The following NRIP1 variants were observed in gnomAD, a reference collection of about 807,000 sequenced individuals.
NRIP1 encodes the protein nuclear receptor-interacting protein 1.
NRIP1 carries 28 observed loss-of-function variants against 75.0 expected under a neutral mutation model. The observed-to-expected ratio is 0.37, with a 90% CI of 0.28 to 0.51. The LOEUF (loss-of-function observed/expected upper bound fraction) is 0.51, where lower values mean the gene tolerates loss of function less well. Among genes scored for constraint, NRIP1 ranks in the 20% least tolerant of loss-of-function variants. The probability of loss-of-function intolerance (pLI) is 0.92; values close to 1 mark genes in which losing one functional copy is unlikely to be tolerated. For synonymous variants in NRIP1, 526 were observed against 487.6 expected (o/e 1.08, Z -1.04); for missense variants, 1,435 against 1,343.7 (o/e 1.07, Z -1.06).
Position 14,964,505 on chromosome 21 carries a change from C to A in NRIP1, c.*211G>T. 4.6e-6 allele frequency: 2 copies of A among 434,676 alleles called. No individual in the cohort carries two copies. The highest frequency in any genetic ancestry group is 5.8e-5 in the South Asian group (1 of 17,152). 26.9% of individuals were successfully genotyped at this position (434,676 alleles called of 1,614,324 possible). ...TGATGCATACAGAAGTGTTAAACAA[C>A]CAATTGCTAGTTCAGTAGTTTCCTC... On this transcript the variant is annotated 3_prime_UTR_variant, in exon 4 of 4. Coordinates refer to ENST00000318948, the MANE Select transcript of NRIP1 (RefSeq NM_003489.4).
chr21:15,050,946 A>AGCTACTATT, intron 1 of NRIP1: 1 of 455,542 alleles, frequency 2.2e-6, no homozygotes, highest in Middle Eastern at 3.4e-4. Context: ...ACTTATTCAA[A>AGCTACTATT]GCTACTATTA....
chr21:15,002,372 C>A (rs1200246530), intron 3 of NRIP1: 1 of 152,198 alleles, frequency 6.6e-6, no homozygotes, highest in Non-Finnish European at 1.5e-5. Context: ...ACCACAACTA[C>A]TAATCAAGTA....
intron 3 of NRIP1, among the ~76,000 whole-genome samples, chr21:15,010,430 C>T (rs73172388): frequency 0.027 from 4,090 of 149,778 alleles, 139 homozygotes; most frequent in African/African-American, 0.08. Context: ...TCGCATATAG[C>T]GACTTTATAA....
rs370011321 is a variant in NRIP1 at position 15,018,719 on chromosome 21, C to T, written c.-457-4253G>A. 3.5e-4 allele frequency among the ~76,000 whole-genome samples: 53 copies of T among 152,114 alleles called. 1 individual carries two copies. The South Asian group carries it at 9.7e-3, about 28-fold the overall frequency. ...ATATACACACACCATACTGAAGGGA[C>T]GGAGAACACAATGATAACAGTGATA... On this transcript the variant is annotated intron_variant, in intron 2 of 3. Transcript: ENST00000318948.
chr21:15,051,657 G>A (rs1262213553), intron 1 of NRIP1: 1 of 152,218 alleles, frequency 6.6e-6, no homozygotes, highest in Non-Finnish European at 1.5e-5. Context: ...AGCCAACCAA[G>A]AAAGTATAAT....
intron 2 of NRIP1, among the ~76,000 whole-genome samples, chr21:15,026,287 T>A (rs1242120449): frequency 1.3e-5 from 2 of 152,194 alleles, no homozygotes; most frequent in South Asian, 4.1e-4. Context: ...CATGAAAAGA[T>A]GTTCAGCCTC....
chr21:15,001,032 T>C (rs761414093), intron 3 of NRIP1, among the ~76,000 whole-genome samples: 5 of 152,324 alleles, frequency 3.3e-5, no homozygotes, highest in South Asian at 2.1e-4. Context: ...CCAATGTCTA[T>C]AGCTTGTGAT....
At position 14,966,452 on chromosome 21, in the gene NRIP1, G is replaced by A. The variant is rs367776293; in HGVS notation, c.1741C>T (p.Pro581Ser). The A allele has an allele frequency of 2.5e-6, 4 of 1,614,092 alleles. No homozygotes were observed. In the South Asian group the frequency reaches 4.4e-5, roughly 18 times the overall value. The stretch of plus-strand genomic sequence containing the variant: ...TCAGACTGAGTACTGCAGACATATG[G>A]TGGGGAATTCCATTTGATGACCAGA... The part of the protein sequence containing the change: ...HSLVIKWNSP[P>S]YVCSTQSEKL... Residue 581 changes from proline to serine, a missense_variant, in exon 4 of 4, where the codon CCA becomes TCA. Transcript: ENST00000318948.
intron 3 of NRIP1, among the ~76,000 whole-genome samples, chr21:14,977,976 G>A (rs1176096911): frequency 2.0e-5 from 3 of 152,210 alleles, no homozygotes; most frequent in African/African-American, 4.8e-5. Flanking sequence ...GGACACCAGA[G>A]ACACCGGTGA....
chr21:15,031,992 G>GTTCA (rs2088711588), intron 2 of NRIP1, among the ~76,000 whole-genome samples: 1 of 151,254 alleles, frequency 6.6e-6, no homozygotes, highest in Non-Finnish European at 1.5e-5. Context: ...GAAGGCGCTT[G>GTTCA]GAGGATCACC....
In NRIP1 at chr21:14,968,301, C is replaced by T; in HGVS notation, c.-109G>A. On this transcript the variant is annotated 5_prime_UTR_variant, in exon 4 of 4. An upstream start codon of the reference 5' UTR is lost. Transcript: ENST00000318948. ...AAAGGAGTATCAGTTTATCACCTTC[C>T]ATCGCAATCAGAGAGAGACGTACTG... The T allele has an allele frequency of 2.8e-6, 2 of 706,860 alleles. No individual in the cohort carries two copies. The highest frequency in any genetic ancestry group is 4.8e-6 in the Non-Finnish European group (2 of 418,152). The allele number at this position is 706,860 out of a possible 1,614,324, so 43.8% of individuals were successfully genotyped here.
chr21:15,042,643 C>G (rs968258192), intron 2 of NRIP1, among the ~76,000 whole-genome samples: 4 of 152,178 alleles, frequency 2.6e-5, no homozygotes, highest in Admixed American at 6.5e-5. Context: ...CCACCTCCAC[C>G]CATGTGAGGT....
At position 14,968,344 on chromosome 21, in the gene NRIP1, T is replaced by C. The variant is rs765717758; in HGVS notation, c.-152A>G. The C allele has an allele frequency of 1.6e-5, 10 of 627,778 alleles. No homozygotes were observed. The highest frequency in any genetic ancestry group is 2.5e-5 in the Non-Finnish European group (9 of 353,974). The allele number at this position is 627,778 out of a possible 1,614,324, so 38.9% of individuals were successfully genotyped here. On this transcript the variant is annotated 5_prime_UTR_variant, in exon 4 of 4. Transcript: ENST00000318948. ...ACGTACTGTTACATTCTGTCCAAGA[T>C]TTCTTCTGGCAATGACAAGATAAAT... is the stretch of plus-strand genomic sequence containing the variant.
rs374137605 is a variant in NRIP1 at position 14,964,778 on chromosome 21, C to T, written c.3415G>A (p.Ala1139Thr). The change falls in exon 4 of 4, where the codon GCA (alanine) becomes ACA (threonine). Residue 1139 changes from alanine (A) to threonine (T), a missense_variant. Transcript: ENST00000318948. Reference sequence around the variant, plus strand: ...AGAAGTCCATAAACTTCTCCATTTGCGCTGTGTGGGCGAGAAGCATTATTT... The same window carrying T: ...AGAAGTCCATAAACTTCTCCATTTGTGCTGTGTGGGCGAGAAGCATTATTT... The part of the protein sequence containing the change: ...MGNNASRPHS[A>T]NGEVYGLLGS... 83 of 1,596,990 alleles carry T rather than the reference C, an allele frequency of 5.2e-5. No homozygotes were observed. The highest frequency in any genetic ancestry group is 9.0e-5 in the Admixed American group (5 of 55,336).
Position 14,965,684 on chromosome 21 carries a change from T to C in NRIP1, c.2509A>G (p.Arg837Gly), listed in dbSNP as rs368239131. 1.4e-5 allele frequency: 23 copies of C among 1,613,732 alleles called. No individual in the cohort carries two copies. In the East Asian group the frequency reaches 2.0e-4, roughly 14 times the overall value. ...GCCATTTCATTATTTCTGTGACTCC[T>C]GTCTGAATCATCTGCCAGGTAACTA... is the stretch of plus-strand genomic sequence containing the variant. The part of the protein sequence containing the change: ...QDSYLADDSD[R>G]SHRNNEMALL... The change falls in exon 4 of 4, where the codon AGG becomes GGG. Residue 837 changes from arginine (R) to glycine (G), a missense_variant. Physicochemically the swap from Arg to Gly is moderately radical, Grantham distance 125. Transcript: ENST00000318948.
intron 1 of NRIP1, among the ~76,000 whole-genome samples, chr21:15,055,133 C>T (rs2089279056): frequency 6.6e-6 from 1 of 152,114 alleles, no homozygotes; most frequent in African/African-American, 2.4e-5. Flanking sequence ...ACACAGTGCC[C>T]CCTCATCTTA....
In NRIP1 at chr21:14,964,788, G is replaced by A. The variant is rs2086677489; in HGVS notation, c.3405C>T (p.Arg1135=). ...AAACTTCTCCATTTGCGCTGTGTGG[G>A]CGAGAAGCATTATTTCCCATATGGC... ...YNSHMGNNAS[R]PHSANGEVYG... The change falls in exon 4 of 4, where the codon CGC becomes CGT. Residue 1135 remains arginine (R), a synonymous_variant. Coordinates refer to ENST00000318948, the MANE Select transcript of NRIP1 (RefSeq NM_003489.4). The A allele has an allele frequency of 6.2e-7, 1 of 1,607,988 alleles. No homozygotes were observed. The highest frequency in any genetic ancestry group is 1.1e-5 in the South Asian group (1 of 89,890).
At chr21:15,025,630 A>T (rs1008455972) in intron 2 of NRIP1, among the ~76,000 whole-genome samples, 2 of 152,200 alleles carry the variant, frequency 1.3e-5, no homozygotes, top group African/African-American at 4.8e-5. Context: ...AGCAGACACC[A>T]TCTTAATCAA....
intron 1 of NRIP1, chr21:15,050,138 A>G (rs2089170168): frequency 6.5e-6 from 1 of 152,732 alleles, no homozygotes; most frequent in Non-Finnish European, 1.5e-5. Flanking sequence ...TCTTTCTATA[A>G]GAAACAATTC....
Sources: allele counts gnomAD v4.1 joint callset (sites outside exome capture counted in the v4.1 genomes callset), GRCh38; gene constraint gnomAD v4.1.1; transcripts MANE v1.5; gene names NCBI Gene and HGNC (gene_info 2026-07-23, HGNC 2026-07-21).